The following LRFN2 variants were observed in gnomAD, a reference collection of about 807,000 sequenced individuals.
The protein encoded by LRFN2 is leucine rich repeat and fibronectin type III domain containing 2.
LRFN2 carries 18 observed loss-of-function variants against 37.3 expected under a neutral mutation model. The ratio of observed to expected loss-of-function variants is 0.48; its 90% CI spans 0.33 to 0.72. The LOEUF is 0.72. LRFN2 is among the 30% of genes least tolerant of loss of function. The pLI, the probability that LRFN2 is intolerant of heterozygous loss-of-function variation, is 0.02. For missense variants in LRFN2, 1,006 were observed against 1,060.7 expected, an observed-to-expected ratio of 0.95 and a Z score of 0.72; for synonymous variants, 556 against 466.6, an observed-to-expected ratio of 1.19 and a Z score of -2.47.
intron 1 of LRFN2, among the ~76,000 whole-genome samples, chr6:40,526,458 G>A (rs933149940): frequency 7.9e-5 from 12 of 152,196 alleles, no homozygotes; most frequent in Admixed American, 3.3e-4. Context: ...TCCCAGGAAG[G>A]CGTGACCTTA....
At chr6:40,583,254 TG>T (rs1767439667) in intron 1 of LRFN2, among the ~76,000 whole-genome samples, 1 of 49,202 alleles carries the variant, frequency 2.0e-5, no homozygotes, top group Non-Finnish European at 4.3e-5. Flanking sequence ...AGTATATCTG[TG>T]GTATTAAAAT....
intron 1 of LRFN2, among the ~76,000 whole-genome samples, chr6:40,452,087 G>A (rs74573994): frequency 0.016 from 2,371 of 152,240 alleles, 57 homozygotes; most frequent in African/African-American, 0.053. Context: ...CAAAGGCACA[G>A]GGAAAAGGCC....
At chr6:40,524,808 C>T (rs922336251) in intron 1 of LRFN2, among the ~76,000 whole-genome samples, 5 of 152,164 alleles carry the variant, frequency 3.3e-5, no homozygotes, top group African/African-American at 1.2e-4. Flanking sequence ...TCATTCTTAT[C>T]CTGAACCTCC....
intron 1 of LRFN2, among the ~76,000 whole-genome samples, chr6:40,488,007 C>T (rs2113867940): frequency 6.6e-6 from 1 of 152,288 alleles, no homozygotes; most frequent in South Asian, 2.1e-4. Context: ...TCCCCAGTCA[C>T]AGCAGCAGCC....
At chr6:40,502,859 G>C (rs57069785) in intron 1 of LRFN2, among the ~76,000 whole-genome samples, 3 of 152,258 alleles carry the variant, frequency 2.0e-5, no homozygotes, top group African/African-American at 7.2e-5. Flanking sequence ...CACATTAGGT[G>C]ATGAGGCTCC....
intron 1 of LRFN2, among the ~76,000 whole-genome samples, chr6:40,526,302 T>A (rs1439168632): frequency 1.3e-5 from 2 of 152,242 alleles, no homozygotes; most frequent in Non-Finnish European, 2.9e-5. Context: ...GGTGTGTGTA[T>A]GCGTCACCAT....
At chr6:40,522,106 C>A (rs1766092272) in intron 1 of LRFN2, among the ~76,000 whole-genome samples, 2 of 152,130 alleles carry the variant, frequency 1.3e-5, no homozygotes, top group Admixed American at 1.3e-4. Context: ...GTGCTGCCAG[C>A]TGCAAGGCAT....
At chr6:40,439,474 C>G (rs966438671) in intron 1 of LRFN2, among the ~76,000 whole-genome samples, 2 of 152,180 alleles carry the variant, frequency 1.3e-5, no homozygotes, top group Admixed American at 1.3e-4. Flanking sequence ...GGAAAGGAAA[C>G]TTGAGTTCCA....
At chr6:40,438,214 C>A (rs1281366159) in intron 1 of LRFN2, among the ~76,000 whole-genome samples, 1 of 152,160 alleles carries the variant, frequency 6.6e-6, no homozygotes, top group Non-Finnish European at 1.5e-5. Flanking sequence ...CAAACCGAAC[C>A]TACACCATTC....
At chr6:40,447,733 T>C (rs537927509) in intron 1 of LRFN2, among the ~76,000 whole-genome samples, 7 of 152,278 alleles carry the variant, frequency 4.6e-5, no homozygotes, top group Non-Finnish European at 8.8e-5. Context: ...TATTTCTATT[T>C]ACAGATAAGG....
intron 1 of LRFN2, among the ~76,000 whole-genome samples, chr6:40,486,975 G>T (rs1764973261): frequency 6.6e-6 from 1 of 152,194 alleles, no homozygotes; most frequent in Non-Finnish European, 1.5e-5. Flanking sequence ...TCTTCTGGAT[G>T]CAGAGTGAGG....
At chr6:40,523,056 G>A (rs1351798727) in intron 1 of LRFN2, among the ~76,000 whole-genome samples, 1 of 152,318 alleles carries the variant, frequency 6.6e-6, no homozygotes, top group South Asian at 2.1e-4. Context: ...GCACTGTGAC[G>A]CAAGGTGTCT....
Position 40,392,503 on chromosome 6 carries a change from C to T in LRFN2, c.1810G>A (p.Val604Met), listed in dbSNP as rs757887479. The stretch of plus-strand genomic sequence containing the variant: ...GTGAAGTCCAGGAGCTCGTTGCGCA[C>T]CACCACCTTCGGCGGGCCCTGCGGC... Reference protein sequence around the residue: ...APPQGPPKVVVRNELLDFTAS... With the variant: ...APPQGPPKVVMRNELLDFTAS... Residue 604 changes from valine (V) to methionine (M), a missense_variant, in exon 3 of 3, where the codon GTG becomes ATG. Val to Met is a conservative substitution (Grantham distance 21). This residue lies in a region of LRFN2 where 398 missense variants were observed against 327.6 expected (regional missense o/e 1.21). Coordinates refer to ENST00000338305, the MANE Select transcript of LRFN2 (RefSeq NM_020737.3). The surrounding 1 kb of genome is among the most constrained non-coding windows in gnomAD (Gnocchi z 4.7). The T allele has an allele frequency of 1.3e-6, 2 of 1,585,656 alleles. No homozygotes were observed. The highest frequency in any genetic ancestry group is 2.3e-5 in the East Asian group (1 of 43,050).
intron 1 of LRFN2, among the ~76,000 whole-genome samples, chr6:40,435,246 A>G (rs1763637327): frequency 6.8e-6 from 1 of 147,576 alleles, no homozygotes; most frequent in Non-Finnish European, 1.5e-5. Flanking sequence ...TGACAGCCTG[A>G]AACTCCTGGG....
chr6:40,500,910 G>C (rs1291166888), intron 1 of LRFN2, among the ~76,000 whole-genome samples: 4 of 150,912 alleles, frequency 2.7e-5, no homozygotes, highest in Admixed American at 1.3e-4. Context: ...AATGACGGGT[G>C]GTGGTATTTT....
chr6:40,525,555 G>A (rs1167469023), intron 1 of LRFN2, among the ~76,000 whole-genome samples: 2 of 152,162 alleles, frequency 1.3e-5, no homozygotes, highest in Admixed American at 1.3e-4. Context: ...CAATCTACTT[G>A]TTATGTAAAT....
At chr6:40,524,469 C>T (rs971416441) in intron 1 of LRFN2, among the ~76,000 whole-genome samples, 2 of 151,474 alleles carry the variant, frequency 1.3e-5, no homozygotes, top group Admixed American at 1.3e-4. Context: ...ACCCCTGCAG[C>T]CCTCATCTCT....
intron 1 of LRFN2, among the ~76,000 whole-genome samples, chr6:40,487,426 T>C (rs1452326321): frequency 1.3e-5 from 2 of 152,216 alleles, no homozygotes; most frequent in Non-Finnish European, 2.9e-5. Flanking sequence ...AGGGCGTCAA[T>C]GAGTTCTTGC....
intron 1 of LRFN2, among the ~76,000 whole-genome samples, chr6:40,512,739 A>C (rs973322116): frequency 6.6e-6 from 1 of 152,202 alleles, no homozygotes; most frequent in South Asian, 2.1e-4. Context: ...TGGGATAAGA[A>C]AAATCTACCA....
Sources: gnomAD v4.1 joint callset for allele counts (sites outside exome capture counted in the v4.1 genomes callset) on GRCh38, gnomAD v4.1.1 for gene constraint, gnomAD v4.1.1 regional missense constraint, Gnocchi (gnomAD v3.1) non-coding constraint, MANE v1.5 for transcripts, NCBI Gene and HGNC (gene_info 2026-07-23, HGNC 2026-07-21) for gene names.